RAB22A: variants seen among roughly 807,000 people sequenced by gnomAD.
RAB22A encodes the protein RAB22A, member RAS oncogene family, also known as ras-related protein Rab-22A.
RAB22A carries 13 observed loss-of-function variants against 30.2 expected under a neutral mutation model. The ratio of observed to expected loss-of-function variants is 0.43; its 90% CI spans 0.28 to 0.68. RAB22A has a LOEUF of 0.68. Ranked by LOEUF, RAB22A falls within the 30% of genes least tolerant of loss-of-function variation. The probability of loss-of-function intolerance (pLI) is 0.18; values close to 1 mark genes in which losing one functional copy is unlikely to be tolerated. For synonymous variants in RAB22A, 89 were observed against 87.2 expected (o/e 1.02, Z -0.11); for missense variants, 177 against 246.8 (o/e 0.72, Z 1.89).
chr20:58,337,198 T>C (rs1311525679), intron 2 of RAB22A, among the ~76,000 whole-genome samples: 1 of 152,216 alleles, frequency 6.6e-6, no homozygotes, highest in African/African-American at 2.4e-5. Flanking sequence ...AGTCAAAGTA[T>C]TGACAGAGCT....
At chr20:58,326,714 A>G (rs1986576140) in intron 2 of RAB22A, among the ~76,000 whole-genome samples, 1 of 152,150 alleles carries the variant, frequency 6.6e-6, no homozygotes, top group Non-Finnish European at 1.5e-5. Flanking sequence ...AGATGCTTCT[A>G]TAACTTAATA....
chr20:58,313,481 G>A lies in RAB22A; in HGVS notation c.116+2359G>A, dbSNP rs138967714. ...TTGTCATAGCCTGCACACAGGTTCC[G>A]AATCCACCCCACTCCACCACAAGAG... On this transcript the variant is annotated intron_variant, in intron 2 of 6. Coordinates refer to ENST00000244040, the MANE Select transcript of RAB22A (RefSeq NM_020673.3). Among the ~76,000 whole-genome samples, 609 of 151,998 alleles carry A rather than the reference G, an allele frequency of 4.0e-3. 4 individuals carry two copies. The highest frequency in any genetic ancestry group is 0.014 in the African/African-American group (572 of 41,444).
At chr20:58,343,040 G>C (rs566692546) in intron 2 of RAB22A, among the ~76,000 whole-genome samples, 1 of 152,274 alleles carries the variant, frequency 6.6e-6, no homozygotes, top group East Asian at 1.9e-4. Flanking sequence ...GAAAGTGAGC[G>C]GTGTGACCTG....
chr20:58,341,287 A>C (rs1568870489), intron 2 of RAB22A, among the ~76,000 whole-genome samples: 1 of 152,214 alleles, frequency 6.6e-6, no homozygotes, highest in Non-Finnish European at 1.5e-5. Flanking sequence ...GTGGAATGGA[A>C]GAAGGCCTAA....
At chr20:58,344,471 C>T (rs1358138309) in intron 3 of RAB22A, among the ~76,000 whole-genome samples, 1 of 152,228 alleles carries the variant, frequency 6.6e-6, no homozygotes, top group East Asian at 1.9e-4. Context: ...ACACATCTGC[C>T]TCCTCCCCTT....
chr20:58,336,969 C>T (rs1986766785), intron 2 of RAB22A, among the ~76,000 whole-genome samples: 1 of 152,164 alleles, frequency 6.6e-6, no homozygotes, highest in South Asian at 2.1e-4. Flanking sequence ...TGCCGTTGCT[C>T]TTCATGGAAT....
chr20:58,333,047 G>A (rs1193250097), intron 2 of RAB22A, among the ~76,000 whole-genome samples: 15 of 152,158 alleles, frequency 9.9e-5, no homozygotes, highest in East Asian at 1.9e-4. Context: ...TGGAGGCCAA[G>A]GCAAGTGGAT....
intron 2 of RAB22A, among the ~76,000 whole-genome samples, chr20:58,323,495 G>T (rs898446833): frequency 6.6e-6 from 1 of 151,790 alleles, no homozygotes; most frequent in East Asian, 1.9e-4. Context: ...CTAGTTCAAT[G>T]TTCAATAGAA....
chr20:58,340,060 C>A (rs568591427), intron 2 of RAB22A, among the ~76,000 whole-genome samples: 47 of 152,306 alleles, frequency 3.1e-4, no homozygotes, highest in African/African-American at 1.1e-3. Flanking sequence ...AGATTTTAAC[C>A]TCTCAGAAAT....
chr20:58,359,842 A>T lies in RAB22A; in HGVS notation c.*139A>T. 3 of 625,260 alleles carry T rather than the reference A, an allele frequency of 4.8e-6. No homozygotes were observed. Among genetic ancestry groups the T allele is most frequent in the Non-Finnish European group, 8.0e-6 (3 of 373,712 alleles). The allele number at this position is 625,260 out of a possible 1,614,324, so 38.7% of individuals were successfully genotyped here. A position where few individuals can be genotyped will look rare whatever the true frequency, so the allele number is the denominator to read the frequency against. ...CAAAAAGGATTCACAGAAATGGACC[A>T]GTTCTGTTCTCCAAAGACTGCAGCA... is the stretch of plus-strand genomic sequence containing the variant. On this transcript the variant is annotated 3_prime_UTR_variant, in exon 7 of 7. Coordinates refer to ENST00000244040, the MANE Select transcript of RAB22A (RefSeq NM_020673.3).
At chr20:58,329,094 C>T in intron 2 of RAB22A, among the ~76,000 whole-genome samples, 1 of 148,990 alleles carries the variant, frequency 6.7e-6, no homozygotes, top group South Asian at 2.1e-4. Context: ...CATTCTGTCA[C>T]CCAGGCTGGA....
chr20:58,356,021 G>C (rs1380658263), intron 6 of RAB22A, among the ~76,000 whole-genome samples: 1 of 152,098 alleles, frequency 6.6e-6, no homozygotes. Context: ...ATTAAAAACA[G>C]GAAAGTAGGC....
In RAB22A at chr20:58,309,780, C is replaced by T. The variant is rs1034720424; in HGVS notation, c.-197C>T. 3.7e-5 allele frequency: 14 copies of T among 383,176 alleles called. No individual in the cohort carries two copies. In the East Asian group the frequency reaches 6.7e-4, roughly 18 times the overall value. 23.7% of individuals were successfully genotyped at this position (383,176 alleles called of 1,614,324 possible). ...CTCCCGGAAGGCCGCGGCGGCGTCC[C>T]GGCTGCTAAGGCGGGCCCCACGCGG... On this transcript the variant is annotated 5_prime_UTR_variant, in exon 1 of 7. Transcript: ENST00000244040.
At chr20:58,317,283 G>T (rs1419232982) in intron 2 of RAB22A, among the ~76,000 whole-genome samples, 1 of 151,724 alleles carries the variant, frequency 6.6e-6, no homozygotes, top group Non-Finnish European at 1.5e-5. Flanking sequence ...TATTAGTTGA[G>T]ATGGGGTTTC....
At chr20:58,357,657 A>G (rs8123709) in intron 6 of RAB22A, among the ~76,000 whole-genome samples, 2,102 of 152,336 alleles carry the variant, frequency 0.014, 43 homozygotes, top group African/African-American at 0.047. Flanking sequence ...TTCAATATCC[A>G]TTTATTGAGA....
chr20:58,320,450 A>G (rs1986431225), intron 2 of RAB22A, among the ~76,000 whole-genome samples: 1 of 151,962 alleles, frequency 6.6e-6, no homozygotes. Flanking sequence ...CCCCCCTTCC[A>G]TTTTTGATAG....
At chr20:58,319,090 T>G (rs926471504) in intron 2 of RAB22A, among the ~76,000 whole-genome samples, 5 of 152,092 alleles carry the variant, frequency 3.3e-5, no homozygotes, top group African/African-American at 1.2e-4. Context: ...ATGGAATTAG[T>G]ATACACACAC....
chr20:58,355,458 G>C (rs2122970196), intron 6 of RAB22A, among the ~76,000 whole-genome samples: 1 of 152,254 alleles, frequency 6.6e-6, no homozygotes, highest in East Asian at 1.9e-4. Flanking sequence ...GAGCCCATCT[G>C]CTGCCAGATA....
intron 6 of RAB22A, among the ~76,000 whole-genome samples, chr20:58,355,372 AT>A (rs879879084): frequency 6.7e-5 from 10 of 148,638 alleles, no homozygotes; most frequent in East Asian, 3.9e-4. Context: ...TTGTTTTCAC[AT>A]TTTTTTTTTA....
Sources: gnomAD v4.1 joint callset for allele counts (sites outside exome capture counted in the v4.1 genomes callset) on GRCh38, gnomAD v4.1.1 for gene constraint, MANE v1.5 for transcripts, NCBI Gene and HGNC (gene_info 2026-07-23, HGNC 2026-07-21) for gene names.